Variants in RYR2 observed in about 807,000 individuals in gnomAD.
The protein encoded by RYR2 is cardiac muscle ryanodine receptor-calcium release channel.
Under a neutral mutation model 601.1 loss-of-function variants are expected in RYR2, and 227 were observed. The observed-to-expected ratio is 0.38, with a 90% CI of 0.34 to 0.42. The LOEUF (loss-of-function observed/expected upper bound fraction) is 0.42. Among genes scored for constraint, RYR2 ranks in the 10% least tolerant of loss-of-function variants. The probability of loss-of-function intolerance (pLI) is 1.00; values close to 1 mark genes in which losing one functional copy is unlikely to be tolerated. For synonymous variants in RYR2, 2,223 were observed against 2,175.1 expected, an observed-to-expected ratio of 1.02 and a Z score of -0.61; for missense variants, 4,646 against 6,156.5, an observed-to-expected ratio of 0.75 and a Z score of 8.21.
chr1:237,236,974 G>A (rs1454640234), intron 1 of RYR2, among the ~76,000 whole-genome samples: 1 of 152,072 alleles, frequency 6.6e-6, no homozygotes, highest in East Asian at 1.9e-4. Flanking sequence ...ATATGTCAAG[G>A]GAGGGACTGG....
intron 8 of RYR2, among the ~76,000 whole-genome samples, chr1:237,383,417 G>GTTTTTTTTTTTTTTTTTTTTTTTTT (rs10567644): frequency 2.0e-5 from 1 of 50,580 alleles, no homozygotes; most frequent in African/African-American, 7.4e-5. Context: ...CTTTTTTCTT[G>GTTTTTTTTTTTTTTTTTTTTTTTTT]TTTTTTTTTT....
At chr1:237,380,730 C>A (rs905974596) in intron 8 of RYR2, among the ~76,000 whole-genome samples, 1 of 151,602 alleles carries the variant, frequency 6.6e-6, no homozygotes, top group African/African-American at 2.4e-5. Context: ...TCACTTTAGG[C>A]CAGGAGTTTA....
At chr1:237,702,708 A>G (rs1448113717) in intron 66 of RYR2, among the ~76,000 whole-genome samples, 1 of 152,112 alleles carries the variant, frequency 6.6e-6, no homozygotes, top group Admixed American at 6.5e-5. Flanking sequence ...GCTTTTTCCA[A>G]CTTCACAAAA....
chr1:237,276,823 C>G (rs541972203), intron 2 of RYR2, among the ~76,000 whole-genome samples: 3 of 152,122 alleles, frequency 2.0e-5, no homozygotes, highest in Non-Finnish European at 4.4e-5. Context: ...TAGAAGTATT[C>G]CCTGACAAGA....
At chr1:237,445,610 A>C in intron 14 of RYR2, 88 bp downstream of exon 14, 1 of 1,507,178 alleles carries the variant, frequency 6.6e-7, no homozygotes, top group African/African-American at 1.4e-5. Context: ...AAAGTATGCT[A>C]TGATGGTAAT....
At chr1:237,262,164 T>C (rs1479156361) in intron 1 of RYR2, among the ~76,000 whole-genome samples, 3 of 151,340 alleles carry the variant, frequency 2.0e-5, no homozygotes, top group Non-Finnish European at 4.4e-5. Flanking sequence ...TCATGTCTTA[T>C]TTACTCATCA....
chr1:237,177,703 G>A (rs1276577828), intron 1 of RYR2, among the ~76,000 whole-genome samples: 1 of 152,048 alleles, frequency 6.6e-6, no homozygotes, highest in South Asian at 2.1e-4. Flanking sequence ...ACTGTTGATG[G>A]TCATTAGATT....
chr1:237,639,950 T>C (rs1298199301), intron 46 of RYR2, among the ~76,000 whole-genome samples: 1 of 152,102 alleles, frequency 6.6e-6, no homozygotes, highest in African/African-American at 2.4e-5. Flanking sequence ...GGCATAGATG[T>C]TCCATGTACA....
At chr1:237,666,636 A>G in intron 57 of RYR2, 47 bp downstream of exon 57, 2 of 1,461,452 alleles carry the variant, frequency 1.4e-6, no homozygotes, top group Non-Finnish European at 1.9e-6. Flanking sequence ...TTAATTTTTA[A>G]GAAGCATAAT....
At chr1:237,535,442 G>A (rs934047271) in intron 25 of RYR2, among the ~76,000 whole-genome samples, 2 of 150,050 alleles carry the variant, frequency 1.3e-5, no homozygotes, top group South Asian at 2.1e-4. Context: ...AAGAAAATAC[G>A]AATAGAGCTA....
At position 237,436,454 on chromosome 1, in the gene RYR2, C is replaced by CTTTTTTTTTTTTT. The variant is rs551140501; in HGVS notation, c.1006-4853_1006-4841dup. The stretch of plus-strand genomic sequence containing the variant: ...AGCCGAGGGATAATGTGTGATTTTC[C>CTTTTTTTTTTTTT]TTTTTTTTTTTTTTTTTTTTTTTTG... On this transcript the variant is annotated intron_variant, in intron 12 of 104. Transcript: ENST00000366574. Among the ~76,000 whole-genome samples, 50 of 48,724 alleles carry CTTTTTTTTTTTTT rather than the reference C, an allele frequency of 1.0e-3. 3 individuals carry two copies. The highest frequency in any genetic ancestry group is 0.017 in the Middle Eastern group (1 of 60). 32.0% of individuals were successfully genotyped at this position (48,724 alleles called of 152,430 possible). A position where few individuals can be genotyped will look rare whatever the true frequency, so the allele number is the denominator to read the frequency against.
chr1:237,507,848 T>A (rs1268791503), intron 23 of RYR2, among the ~76,000 whole-genome samples: 1 of 152,262 alleles, frequency 6.6e-6, no homozygotes, highest in Non-Finnish European at 1.5e-5. Flanking sequence ...TGCAAGTCAC[T>A]GTAAGGCTTG....
At chr1:237,071,921 G>A (rs1664392683) in intron 1 of RYR2, among the ~76,000 whole-genome samples, 1 of 152,222 alleles carries the variant, frequency 6.6e-6, no homozygotes, top group Non-Finnish European at 1.5e-5. Flanking sequence ...CTTGAGCGTG[G>A]GTATACAGCT....
intron 1 of RYR2, among the ~76,000 whole-genome samples, chr1:237,103,392 T>C (rs1379581870): frequency 6.6e-6 from 1 of 152,172 alleles, no homozygotes; most frequent in African/African-American, 2.4e-5. Flanking sequence ...CAACCAATCC[T>C]CCTGTAGCCT....
At chr1:237,093,566 C>T (rs1405329943) in intron 1 of RYR2, among the ~76,000 whole-genome samples, 1 of 152,068 alleles carries the variant, frequency 6.6e-6, no homozygotes, top group Non-Finnish European at 1.5e-5. Flanking sequence ...CAGTTTCATC[C>T]CTGAGGACTT....
intron 87 of RYR2, among the ~76,000 whole-genome samples, chr1:237,777,379 T>A (rs1437887320): frequency 6.6e-6 from 1 of 152,188 alleles, no homozygotes; most frequent in African/African-American, 2.4e-5. Context: ...AAAGTTCTAT[T>A]TCAACATCTT....
intron 1 of RYR2, among the ~76,000 whole-genome samples, chr1:237,258,030 T>A (rs2149300569): frequency 6.6e-6 from 1 of 151,300 alleles, no homozygotes; most frequent in South Asian, 2.1e-4. Flanking sequence ...TAGCCAGGTG[T>A]GGTGGCAGGT....
At chr1:237,382,493 A>G (rs1211959012) in intron 8 of RYR2, among the ~76,000 whole-genome samples, 1 of 151,360 alleles carries the variant, frequency 6.6e-6, no homozygotes, top group Non-Finnish European at 1.5e-5. Flanking sequence ...TGTCATTTAC[A>G]TTACGTATAT....
chr1:237,383,395 A>ACAT (rs372382114), intron 8 of RYR2, among the ~76,000 whole-genome samples: 87 of 113,086 alleles, frequency 7.7e-4, no homozygotes, highest in African/African-American at 2.8e-3. Context: ...AGATTTTTTT[A>ACAT]CATTTTCTTT....
Sources: gnomAD v4.1 joint callset for allele counts (sites outside exome capture counted in the v4.1 genomes callset) on GRCh38, gnomAD v4.1.1 for gene constraint, MANE v1.5 for transcripts, NCBI Gene and HGNC (gene_info 2026-07-23, HGNC 2026-07-21) for gene names.